Variants in ARHGAP39 observed in about 807,000 individuals in gnomAD.
The protein encoded by ARHGAP39 is Rho GTPase activating protein 39, also known as rho GTPase-activating protein 39.
A neutral mutation model predicts 106.9 loss-of-function variants in ARHGAP39; 44 were observed. The observed-to-expected ratio is 0.41, with a 90% CI of 0.32 to 0.53. The LOEUF (loss-of-function observed/expected upper bound fraction) is 0.53, where lower values mean the gene tolerates loss of function less well. Among genes scored for constraint, ARHGAP39 ranks in the 20% least tolerant of loss-of-function variants. The pLI is 0.21. For missense variants in ARHGAP39, 1,496 were observed against 1,577.3 expected (o/e 0.95, Z 0.87); for synonymous variants, 768 against 693.2 (o/e 1.11, Z -1.69).
At chr8:144,536,630 G>C (rs995110924) in intron 7 of ARHGAP39, among the ~76,000 whole-genome samples, 3 of 152,166 alleles carry the variant, frequency 2.0e-5, no homozygotes, top group African/African-American at 7.2e-5. Flanking sequence ...CTTCTCCCAG[G>C]GTCCTGGGTG....
At position 144,679,656 on chromosome 8, in the gene ARHGAP39, G is replaced by C. The variant is rs1411312033; in HGVS notation, c.-82+6030C>G. On this transcript the variant is annotated intron_variant, in intron 1 of 11. Transcript: ENST00000377307. The surrounding 1 kb of genome is among the most constrained non-coding windows in gnomAD (Gnocchi z 4.7). ...AATCAGGACATCCCCTGCTCACAAA[G>C]CTGCCTGCGGTGGCTCCCGGTTAGC... is the stretch of plus-strand genomic sequence containing the variant. Among the ~76,000 whole-genome samples the C allele has an allele frequency of 6.6e-6, 1 of 152,194 alleles. No homozygotes were observed. Among genetic ancestry groups the C allele is most frequent in the Non-Finnish European group, 1.5e-5 (1 of 68,048 alleles).
At chr8:144,688,991 C>T (rs764075305), upstream of ARHGAP39, among the ~76,000 whole-genome samples, 2 of 152,124 alleles carry the variant, frequency 1.3e-5, no homozygotes, top group Non-Finnish European at 2.9e-5. Flanking sequence ...GCTCCTGAGC[C>T]GGGGTGTTTC....
intron 3 of ARHGAP39, 88 bp downstream of exon 3, chr8:144,580,758 G>GCGCCC: frequency 5.4e-6 from 1 of 185,576 alleles, no homozygotes; most frequent in South Asian, 1.1e-4. Flanking sequence ...CTCTCACCTG[G>GCGCCC]CCCCGCCCAC....
the ARHGAP39 span, chr8:144,700,353 G>C: frequency 6.6e-6 from 1 of 152,232 alleles, no homozygotes; most frequent in African/African-American, 2.4e-5. The surrounding 1 kb of genome is among the most constrained non-coding windows in gnomAD (Gnocchi z 5.6). Context: ...CCTGTGACCC[G>C]CTGACCTGTC....
At chr8:144,563,498 T>C (rs1818280578) in intron 3 of ARHGAP39, among the ~76,000 whole-genome samples, 1 of 152,118 alleles carries the variant, frequency 6.6e-6, no homozygotes. Flanking sequence ...TGAAAAGGGC[T>C]TGGCACCCTA....
chr8:144,534,448 T>C (rs1415179974), intron 7 of ARHGAP39, among the ~76,000 whole-genome samples: 1 of 152,208 alleles, frequency 6.6e-6, no homozygotes, highest in Non-Finnish European at 1.5e-5. Context: ...CAGCTCCACC[T>C]GCCCTCCTAC....
At chr8:144,608,181 A>AAAAAAAAAAT (rs1243780533) in intron 1 of ARHGAP39, among the ~76,000 whole-genome samples, 1 of 146,324 alleles carries the variant, frequency 6.8e-6, no homozygotes, top group African/African-American at 2.6e-5. Flanking sequence ...AAAAAAAAAA[A>AAAAAAAAAAT]GGAAAAAGAA....
In ARHGAP39 at chr8:144,530,292, G is replaced by A; in HGVS notation, c.*130C>T. 3 of 1,032,530 alleles carry A rather than the reference G, an allele frequency of 2.9e-6. No individual in the cohort carries two copies. The highest frequency in any genetic ancestry group is 4.1e-6 in the Non-Finnish European group (3 of 724,256). The allele number at this position is 1,032,530 out of a possible 1,614,324, so 64.0% of individuals were successfully genotyped here. On this transcript the variant is annotated 3_prime_UTR_variant, in exon 12 of 12. Transcript: ENST00000377307. ...GAAGACGTGGGGAGCGCCGGGGCCA[G>A]GGGCCTGGGGGAGTGGAGGGGGCTC...
At chr8:144,535,639 G>T (rs1029991158) in intron 7 of ARHGAP39, among the ~76,000 whole-genome samples, 10 of 152,222 alleles carry the variant, frequency 6.6e-5, no homozygotes, top group South Asian at 4.1e-4. Context: ...GGCAGGGCTG[G>T]GCCTCCTGCT....
intron 3 of ARHGAP39, 126 bp downstream of exon 3, chr8:144,580,702 CGACCTACTCCTAACCTGG>C: frequency 9.4e-7 from 1 of 1,061,438 alleles, no homozygotes; most frequent in Non-Finnish European, 1.3e-6. Context: ...CCACCATACC[CGACCTACTCCTAACCTGG>C]CCCCGCCCAC....
chr8:144,551,501 G>A (rs1023750629), intron 4 of ARHGAP39, among the ~76,000 whole-genome samples: 52 of 152,134 alleles, frequency 3.4e-4, no homozygotes, highest in Non-Finnish European at 1.8e-4. Flanking sequence ...GGGAAGCCCC[G>A]AGAGGCCCAG....
intron 1 of ARHGAP39, among the ~76,000 whole-genome samples, chr8:144,654,619 T>C (rs1376851600): frequency 6.6e-6 from 1 of 152,046 alleles, no homozygotes; most frequent in African/African-American, 2.4e-5. Context: ...GCACACTCCA[T>C]GGAGCTGGCA....
chr8:144,639,338 A>AAAAAG (rs1554610292), intron 1 of ARHGAP39, among the ~76,000 whole-genome samples: 89 of 146,332 alleles, frequency 6.1e-4, no homozygotes, highest in African/African-American at 2.2e-3. Flanking sequence ...AAAAAAAAAA[A>AAAAAG]AAAGAAAGAA....
chr8:144,628,586 G>A (rs974748620), intron 1 of ARHGAP39, among the ~76,000 whole-genome samples: 5 of 152,266 alleles, frequency 3.3e-5, no homozygotes, highest in African/African-American at 9.6e-5. Flanking sequence ...CGTCTCTCTC[G>A]ATAACTGACA....
At position 144,547,170 on chromosome 8, in the gene ARHGAP39, T is replaced by A. The variant is rs953763457; in HGVS notation, c.1916A>T (p.Gln639Leu). The A allele has an allele frequency of 1.2e-6, 2 of 1,611,024 alleles. No homozygotes were observed. Among genetic ancestry groups the A allele is most frequent in the African/African-American group, 2.7e-5 (2 of 74,872 alleles). The change falls in exon 5 of 12, where the codon CAG (glutamine) becomes CTG (leucine). Residue 639 changes from glutamine (Q) to leucine (L), a missense_variant. Physicochemically the swap from Gln to Leu is moderately radical, Grantham distance 113. Around this residue, in one of 4 missense-constraint regions of ARHGAP39, gnomAD observed 905 missense variants for 816.4 expected, o/e 1.11. Transcript: ENST00000377307. This position sits in a 1 kb window ranked among gnomAD's most constrained non-coding sequence, Gnocchi z 5.2. The stretch of plus-strand genomic sequence containing the variant: ...GGGCTCTGGTGAGGCCAGGTTGGTC[T>A]GCACGGAGACGCTCTTCTCCAGCAG... ...QILLEKSVSV[Q>L]TNLASPEPYL... is the part of the protein sequence containing the mutation.
At chr8:144,554,287 G>A (rs1817832603) in intron 4 of ARHGAP39, among the ~76,000 whole-genome samples, 2 of 152,214 alleles carry the variant, frequency 1.3e-5, no homozygotes, top group African/African-American at 2.4e-5. Flanking sequence ...GGGGCAGGAC[G>A]CTGGGGCGGG....
chr8:144,678,834 A>C (rs936021478), intron 1 of ARHGAP39, among the ~76,000 whole-genome samples: 5 of 152,142 alleles, frequency 3.3e-5, no homozygotes, highest in African/African-American at 1.2e-4. Context: ...TGCCCTGTTT[A>C]TATCATCTGA....
At chr8:144,597,775 G>A (rs1423617261) in intron 2 of ARHGAP39, among the ~76,000 whole-genome samples, 1 of 152,196 alleles carries the variant, frequency 6.6e-6, no homozygotes, top group East Asian at 1.9e-4. Flanking sequence ...GAAAAGGCAG[G>A]TGGACAGAGA....
At chr8:144,596,222 G>A (rs1298339610) in intron 2 of ARHGAP39, among the ~76,000 whole-genome samples, 2 of 149,076 alleles carry the variant, frequency 1.3e-5, no homozygotes, top group African/African-American at 5.0e-5. Context: ...CTAAGGCCTC[G>A]CCACCCCGGC....
Sources: allele counts gnomAD v4.1 joint callset (sites outside exome capture counted in the v4.1 genomes callset), GRCh38; gene constraint gnomAD v4.1.1; regional missense constraint gnomAD v4.1.1; non-coding constraint Gnocchi (gnomAD v3.1); transcripts MANE v1.5; gene names NCBI Gene and HGNC (gene_info 2026-07-23, HGNC 2026-07-21).